Variants in EPHA6 observed in about 807,000 individuals in gnomAD.
The protein encoded by EPHA6 is ephrin type-A receptor 6.
A neutral mutation model predicts 112.0 loss-of-function variants in EPHA6; 50 were observed. The ratio of observed to expected loss-of-function variants is 0.45; its 90% CI spans 0.36 to 0.56. The LOEUF (loss-of-function observed/expected upper bound fraction) is 0.56. EPHA6 is among the 20% of genes least tolerant of loss of function. EPHA6 has a pLI of 0.00. For missense variants in EPHA6, 1,280 were observed against 1,417.4 expected (o/e 0.90, Z 1.56); for synonymous variants, 529 against 490.7 (o/e 1.08, Z -1.03).
At chr3:97,345,763 TTTAA>T (rs2083503280) in intron 5 of EPHA6, among the ~76,000 whole-genome samples, 1 of 152,144 alleles carries the variant, frequency 6.6e-6, no homozygotes, top group African/African-American at 2.4e-5. Flanking sequence ...TTATTTATAA[TTTAA>T]TTGAGATGAA....
chr3:97,540,302 C>T (rs570356153), intron 11 of EPHA6, among the ~76,000 whole-genome samples: 1 of 152,226 alleles, frequency 6.6e-6, no homozygotes, highest in Admixed American at 6.5e-5. Flanking sequence ...TTATAATGTA[C>T]ACATATTGAT....
At chr3:96,829,606 A>G (rs2033888744) in intron 1 of EPHA6, among the ~76,000 whole-genome samples, 1 of 152,076 alleles carries the variant, frequency 6.6e-6, no homozygotes, top group South Asian at 2.1e-4. Context: ...ACATTTTGGT[A>G]TTCAACAATT....
intron 13 of EPHA6, among the ~76,000 whole-genome samples, chr3:97,626,824 G>C (rs866809823): frequency 6.6e-6 from 1 of 151,746 alleles, no homozygotes; most frequent in South Asian, 2.1e-4. Context: ...AGGGCTTTCT[G>C]TCTTATTTTT....
chr3:97,466,676 C>G (rs767935199), intron 7 of EPHA6, among the ~76,000 whole-genome samples: 6 of 151,778 alleles, frequency 4.0e-5, no homozygotes, highest in Non-Finnish European at 5.9e-5. Context: ...CTACATATAC[C>G]CTATTCTAGA....
chr3:97,508,678 T>A (rs1315788293), intron 10 of EPHA6, among the ~76,000 whole-genome samples: 1 of 152,186 alleles, frequency 6.6e-6, no homozygotes, highest in African/African-American at 2.4e-5. Flanking sequence ...TAGGTCCACT[T>A]GGTCCAGAGC....
intron 3 of EPHA6, among the ~76,000 whole-genome samples, chr3:96,998,396 T>C (rs1223232225): frequency 1.3e-5 from 2 of 151,972 alleles, no homozygotes; most frequent in East Asian, 1.9e-4. Context: ...CTCCTTTCTT[T>C]TGGGTTCAAA....
chr3:97,659,077 A>C (rs1367798339), intron 14 of EPHA6, among the ~76,000 whole-genome samples: 5 of 152,036 alleles, frequency 3.3e-5, no homozygotes, highest in African/African-American at 1.2e-4. Flanking sequence ...CCAGAGAGGA[A>C]GGAGCAAATG....
intron 3 of EPHA6, among the ~76,000 whole-genome samples, chr3:97,099,022 A>G (rs1251282671): frequency 1.3e-5 from 2 of 151,960 alleles, no homozygotes; most frequent in Non-Finnish European, 2.9e-5. Flanking sequence ...AGAAGGCTGT[A>G]TAATAATAAA....
intron 3 of EPHA6, among the ~76,000 whole-genome samples, chr3:97,157,884 A>G (rs1000839140): frequency 3.3e-5 from 5 of 152,288 alleles, no homozygotes; most frequent in East Asian, 1.9e-4. Flanking sequence ...AAACACGTTC[A>G]CAAACACACC....
chr3:97,526,364 G>T (rs769086428), intron 10 of EPHA6, among the ~76,000 whole-genome samples: 1 of 152,204 alleles, frequency 6.6e-6, no homozygotes, highest in Non-Finnish European at 1.5e-5. Flanking sequence ...GTCTCCTGGT[G>T]GGATTCCAGC....
chr3:96,899,148 GA>G (rs1373485069), intron 2 of EPHA6, among the ~76,000 whole-genome samples: 2 of 151,968 alleles, frequency 1.3e-5, no homozygotes, highest in East Asian at 1.9e-4. Flanking sequence ...GAAGGTTTAG[GA>G]AAAAAATTTT....
At chr3:97,472,353 A>G (rs1032462271) in intron 7 of EPHA6, among the ~76,000 whole-genome samples, 1 of 151,702 alleles carries the variant, frequency 6.6e-6, no homozygotes, top group Non-Finnish European at 1.5e-5. Context: ...CTAAACAACC[A>G]GAAAAAAAAG....
intron 3 of EPHA6, among the ~76,000 whole-genome samples, chr3:97,195,393 C>T (rs953312816): frequency 7.8e-6 from 1 of 128,050 alleles, no homozygotes; most frequent in Non-Finnish European, 1.6e-5. Flanking sequence ...ATTTTAACTT[C>T]ATCCCAGCCC....
At position 97,470,905 on chromosome 3, in the gene EPHA6, A is replaced by C. The variant is rs776929671; in HGVS notation, c.1895-4447A>C. On this transcript the variant is annotated intron_variant, in intron 7 of 17. Transcript: ENST00000389672. Reference sequence around the variant, plus strand: ...ATTTCCAATCAGTGAGTCACAAATAAATTTTATTTTACACTATGGATTTCA... The same window carrying C: ...ATTTCCAATCAGTGAGTCACAAATACATTTTATTTTACACTATGGATTTCA... 8.3e-4 allele frequency among the ~76,000 whole-genome samples: 126 copies of C among 151,828 alleles called. 1 individual carries two copies. The highest frequency in any genetic ancestry group is 2.1e-3 in the South Asian group (10 of 4,826).
intron 10 of EPHA6, among the ~76,000 whole-genome samples, chr3:97,497,758 G>A (rs991181165): frequency 6.6e-6 from 1 of 152,004 alleles, no homozygotes; most frequent in Non-Finnish European, 1.5e-5. Flanking sequence ...TCTTATGCAT[G>A]TGCGGGGTTA....
intron 5 of EPHA6, among the ~76,000 whole-genome samples, chr3:97,355,731 G>A (rs970427302): frequency 2.0e-5 from 3 of 151,956 alleles, no homozygotes; most frequent in African/African-American, 4.8e-5. Context: ...CAGAAGACAC[G>A]GATTGGCTGA....
At chr3:97,012,585 A>ATGTGTG (rs200953475) in intron 3 of EPHA6, among the ~76,000 whole-genome samples, 5 of 141,168 alleles carry the variant, frequency 3.5e-5, no homozygotes, top group South Asian at 2.2e-4. Flanking sequence ...AAATTTATAT[A>ATGTGTG]TGTGTGTGTG....
At position 97,596,777 on chromosome 3, in the gene EPHA6, C is replaced by CACATAT. The variant is rs1325204644; in HGVS notation, c.2512+4041_2512+4042insCATATA. 1.3e-4 allele frequency among the ~76,000 whole-genome samples: 14 copies of CACATAT among 106,204 alleles called. No homozygotes were observed. The Admixed American group carries it at 1.4e-3, about 10-fold the overall frequency. 69.7% of individuals were successfully genotyped at this position (106,204 alleles called of 152,430 possible). A position where few individuals can be genotyped will look rare whatever the true frequency, so the allele number is the denominator to read the frequency against. ...TTTTACTAATGAAGTAACTCATATA[C>CACATAT]ATATATATATATATATATATATATA... On this transcript the variant is annotated intron_variant, in intron 12 of 17. Transcript: ENST00000389672.
In EPHA6 at chr3:97,181,930, CATT is replaced by C. The variant is rs2076999201; in HGVS notation, c.1115-44331_1115-44329del. On this transcript the variant is annotated intron_variant, in intron 3 of 17. Transcript: ENST00000389672. ...TGCTTTTTTGACCTTGACCTCCAAA[CATT>C]ATGATTCATCTGGGAGCCGACACTT... Among the ~76,000 whole-genome samples, 4 of 152,160 alleles carry C rather than the reference CATT, an allele frequency of 2.6e-5. No individual in the cohort carries two copies. In the South Asian group the frequency reaches 6.2e-4, roughly 24 times the overall value.
Sources: gnomAD v4.1 joint callset for allele counts (sites outside exome capture counted in the v4.1 genomes callset) on GRCh38, gnomAD v4.1.1 for gene constraint, MANE v1.5 for transcripts, NCBI Gene and HGNC (gene_info 2026-07-23, HGNC 2026-07-21) for gene names.